The following FRMD5 variants were observed in gnomAD, a reference collection of about 807,000 sequenced individuals.
The protein encoded by FRMD5 is FERM domain-containing protein 5.
A neutral mutation model predicts 69.0 loss-of-function variants in FRMD5; 20 were observed. That is an observed-to-expected ratio of 0.29 (90% CI 0.20 to 0.42). The LOEUF (loss-of-function observed/expected upper bound fraction) is 0.42. Ranked by LOEUF, FRMD5 falls within the 10% of genes least tolerant of loss-of-function variation. The pLI is 1.00. For missense variants in FRMD5, 595 were observed against 708.6 expected (o/e 0.84, Z 1.82); for synonymous variants, 271 against 260.1 (o/e 1.04, Z -0.40).
At chr15:43,980,667 C>T (rs982535341) in intron 1 of FRMD5, among the ~76,000 whole-genome samples, 4 of 152,186 alleles carry the variant, frequency 2.6e-5, no homozygotes, top group African/African-American at 9.7e-5. Context: ...AATACCCAAA[C>T]CACACATCTG....
At chr15:44,158,854 C>A (rs1308910960) in intron 1 of FRMD5, among the ~76,000 whole-genome samples, 2 of 152,182 alleles carry the variant, frequency 1.3e-5, no homozygotes, top group African/African-American at 2.4e-5. Context: ...AAGACTCAGT[C>A]AGACTCTTCA....
intron 1 of FRMD5, among the ~76,000 whole-genome samples, chr15:44,159,715 G>A (rs2077583103): frequency 6.6e-6 from 1 of 152,232 alleles, no homozygotes; most frequent in Non-Finnish European, 1.5e-5. Flanking sequence ...TTGAAAGCTT[G>A]TGGACAAAGG....
At chr15:43,920,450 T>C (rs973417971) in intron 2 of FRMD5, among the ~76,000 whole-genome samples, 2 of 152,196 alleles carry the variant, frequency 1.3e-5, no homozygotes, top group African/African-American at 4.8e-5. Flanking sequence ...ACAACCAACG[T>C]GTAGGATAGT....
At chr15:43,897,761 C>T (rs1052066273) in intron 7 of FRMD5, among the ~76,000 whole-genome samples, 1 of 151,998 alleles carries the variant, frequency 6.6e-6, no homozygotes, top group Admixed American at 6.6e-5. Flanking sequence ...GCTCTGTGTC[C>T]CCACCCAAAT....
In FRMD5 at chr15:43,917,457, C is replaced by G. The variant is rs904851048; in HGVS notation, c.329+2002G>C. On this transcript the variant is annotated intron_variant, in intron 4 of 13. Transcript: ENST00000417257. ...TCAGGCTGGAGTGTAATGCCGCAAT[C>G]TTGGCTTACTGCAACCTCCACCTCA... 3.3e-5 allele frequency among the ~76,000 whole-genome samples: 5 copies of G among 152,164 alleles called. No individual in the cohort carries two copies. In the East Asian group the frequency reaches 9.6e-4, roughly 29 times the overall value.
intron 1 of FRMD5, among the ~76,000 whole-genome samples, chr15:44,007,723 G>A (rs541423096): frequency 1.3e-4 from 16 of 122,346 alleles, no homozygotes; most frequent in Admixed American, 5.7e-4. Context: ...TTGGCTCACC[G>A]CAACCTCCAT....
At chr15:44,123,151 C>T (rs1252203062) in intron 1 of FRMD5, among the ~76,000 whole-genome samples, 3 of 151,976 alleles carry the variant, frequency 2.0e-5, no homozygotes, top group Non-Finnish European at 4.4e-5. Flanking sequence ...TTGAGACCAG[C>T]CTGGCCAACA....
intron 1 of FRMD5, among the ~76,000 whole-genome samples, chr15:44,007,323 T>A (rs1890496002): frequency 6.6e-6 from 1 of 152,226 alleles, no homozygotes. Flanking sequence ...CTTGCTTTAT[T>A]GCACTATCCA....
At chr15:44,038,144 GT>G (rs911857500) in intron 1 of FRMD5, among the ~76,000 whole-genome samples, 88 of 151,768 alleles carry the variant, frequency 5.8e-4, no homozygotes, top group African/African-American at 1.4e-3. Flanking sequence ...TTTTGATGGG[GT>G]TTTTTTTATT....
At chr15:44,073,913 T>C (rs1016404801) in intron 1 of FRMD5, among the ~76,000 whole-genome samples, 2 of 152,216 alleles carry the variant, frequency 1.3e-5, no homozygotes, top group Non-Finnish European at 2.9e-5. Flanking sequence ...CTAGATATAA[T>C]ACAGTATTTG....
rs182838989 is a variant in FRMD5 at position 43,909,664 on chromosome 15, G to C, written c.427+218C>G. ...CTGGCTAACTTTCGTATTTTTAGTA[G>C]AGACGGGGTTTCACCATGTTGGCCA... On this transcript the variant is annotated intron_variant, in intron 5 of 13. Transcript: ENST00000417257. Among the ~76,000 whole-genome samples, 3 of 152,168 alleles carry C rather than the reference G, an allele frequency of 2.0e-5. No homozygotes were observed. In the East Asian group the frequency reaches 5.9e-4, roughly 30 times the overall value.
chr15:44,120,774 C>T (rs1219390143), intron 1 of FRMD5, among the ~76,000 whole-genome samples: 2 of 151,792 alleles, frequency 1.3e-5, no homozygotes, highest in African/African-American at 2.4e-5. Context: ...GTGATCCGCC[C>T]GTCTCAGCCT....
intron 1 of FRMD5, among the ~76,000 whole-genome samples, chr15:44,027,098 T>C (rs996745419): frequency 2.6e-5 from 4 of 152,238 alleles, no homozygotes; most frequent in Admixed American, 6.5e-5. Flanking sequence ...GTTCACAAAC[T>C]GTGGACAATG....
In FRMD5 at chr15:44,121,193, T is replaced by C. The variant is rs967818886; in HGVS notation, c.102+73760A>G. Among the ~76,000 whole-genome samples, 7 of 143,666 alleles carry C rather than the reference T, an allele frequency of 4.9e-5. No individual in the cohort carries two copies. In the East Asian group the frequency reaches 1.2e-3, roughly 25 times the overall value. 94.3% of individuals were successfully genotyped at this position (143,666 alleles called of 152,430 possible). On this transcript the variant is annotated intron_variant, in intron 1 of 13. Coordinates refer to ENST00000417257, the MANE Select transcript of FRMD5 (RefSeq NM_032892.5). ...ACTATCAAAAAGAAGTGTTTAACAA[T>C]GTCGAATAGTGCAAAAAGCTCAATT...
intron 8 of FRMD5, among the ~76,000 whole-genome samples, chr15:43,889,225 G>C (rs1286075096): frequency 6.6e-6 from 1 of 152,162 alleles, no homozygotes; most frequent in Non-Finnish European, 1.5e-5. Flanking sequence ...ATCTGGATGG[G>C]ACTGTCAAAC....
In FRMD5 at chr15:44,125,811, T is replaced by C. The variant is rs543601571; in HGVS notation, c.102+69142A>G. Reference sequence around the variant, plus strand: ...CTGAATACAGCACTCATCACCAATCTTGCCACAGTAGTCCTCCTTTACTGT... The same window carrying C: ...CTGAATACAGCACTCATCACCAATCCTGCCACAGTAGTCCTCCTTTACTGT... On this transcript the variant is annotated intron_variant, in intron 1 of 13. Coordinates refer to ENST00000417257, the MANE Select transcript of FRMD5 (RefSeq NM_032892.5). 2.3e-4 allele frequency among the ~76,000 whole-genome samples: 35 copies of C among 152,312 alleles called. No individual in the cohort carries two copies. The East Asian group carries it at 4.8e-3, about 21-fold the overall frequency.
At chr15:43,927,545 G>A (rs1308556432) in intron 1 of FRMD5, among the ~76,000 whole-genome samples, 2 of 152,144 alleles carry the variant, frequency 1.3e-5, no homozygotes, top group African/African-American at 2.4e-5. Flanking sequence ...AGCTTAAAGA[G>A]GTATTTCAGG....
intron 1 of FRMD5, among the ~76,000 whole-genome samples, chr15:44,155,694 A>AGCGATTCTCCTGCCTCAGCCTCCC (rs2077516040): frequency 6.6e-6 from 1 of 150,924 alleles, no homozygotes; most frequent in Admixed American, 6.6e-5. Context: ...CCCAGGTTCA[A>AGCGATTCTCCTGCCTCAGCCTCCC]GCGATTCTCC....
intron 5 of FRMD5, among the ~76,000 whole-genome samples, chr15:43,906,154 C>A (rs1360704280): frequency 1.3e-5 from 2 of 152,220 alleles, no homozygotes; most frequent in Non-Finnish European, 2.9e-5. Context: ...GGTGCACACA[C>A]TGGGTTGGCA....
Sources: gnomAD v4.1 joint callset for allele counts (sites outside exome capture counted in the v4.1 genomes callset) on GRCh38, gnomAD v4.1.1 for gene constraint, MANE v1.5 for transcripts, NCBI Gene and HGNC (gene_info 2026-07-23, HGNC 2026-07-21) for gene names.